Variants in NFATC2 observed in about 807,000 individuals in gnomAD.
NFATC2 encodes nuclear factor of activated T-cells, cytoplasmic 2.
A neutral mutation model predicts 87.3 loss-of-function variants in NFATC2; 22 were observed. The observed-to-expected ratio is 0.25, with a 90% CI of 0.18 to 0.36. The LOEUF (loss-of-function observed/expected upper bound fraction) is 0.36, where lower values mean the gene tolerates loss of function less well. NFATC2 is among the 10% of genes least tolerant of loss of function. The probability of loss-of-function intolerance (pLI) is 1.00; values close to 1 mark genes in which losing one functional copy is unlikely to be tolerated. For synonymous variants in NFATC2, 565 were observed against 542.2 expected, an observed-to-expected ratio of 1.04 and a Z score of -0.58; for missense variants, 1,149 against 1,259.1, an observed-to-expected ratio of 0.91 and a Z score of 1.32.
Position 51,400,701 on chromosome 20 carries a change from G to A in NFATC2, c.2723-1971C>T, listed in dbSNP as rs142310033. Among the ~76,000 whole-genome samples the A allele has an allele frequency of 2.0e-3, 304 of 152,202 alleles. 2 individuals carry two copies. The highest frequency in any genetic ancestry group is 6.6e-3 in the African/African-American group (276 of 41,540). ...GAAATCAACTCGGGACCAGGCCACC[G>A]CCAAACACCCTCCTCCGCAGGTGGC... On this transcript the variant is annotated intron_variant, in intron 9 of 10. Coordinates refer to ENST00000371564, the MANE Select transcript of NFATC2 (RefSeq NM_012340.5).
At chr20:51,448,507 C>T (rs1011284909) in intron 6 of NFATC2, among the ~76,000 whole-genome samples, 27 of 152,160 alleles carry the variant, frequency 1.8e-4, no homozygotes, top group African/African-American at 6.3e-4. Context: ...AGCCAGGCGT[C>T]GTGGCAGGTG....
intron 9 of NFATC2, among the ~76,000 whole-genome samples, chr20:51,426,007 G>C (rs1007925522): frequency 8.3e-4 from 127 of 152,238 alleles, no homozygotes; most frequent in African/African-American, 2.8e-3. Flanking sequence ...TGGAGGAAGC[G>C]GGGGGAGGGA....
chr20:51,404,608 C>CA (rs1988375655), intron 9 of NFATC2, among the ~76,000 whole-genome samples: 1 of 152,254 alleles, frequency 6.6e-6, no homozygotes, highest in Non-Finnish European at 1.5e-5. Context: ...AGCCCTCACA[C>CA]AGAGGATGCT....
At chr20:51,412,005 GCCCCTCTTTGAAATTCAAGGC>G (rs1013706836) in intron 9 of NFATC2, among the ~76,000 whole-genome samples, 10 of 152,082 alleles carry the variant, frequency 6.6e-5, no homozygotes, top group Admixed American at 5.2e-4. Flanking sequence ...GGGTGAGCGA[GCCCCTCTTTGAAATTCAAGGC>G]CCCCATAGGA....
upstream of NFATC2, chr20:51,562,806 G>C (rs1466926089): frequency 7.1e-6 from 4 of 565,702 alleles, no homozygotes; most frequent in South Asian, 2.4e-5. This position sits in a 1 kb window ranked among gnomAD's most constrained non-coding sequence, Gnocchi z 5.8. Flanking sequence ...GAGTCGGCGC[G>C]GCTCCGCGAT....
intron 5 of NFATC2, among the ~76,000 whole-genome samples, chr20:51,472,923 T>C (rs541759363): frequency 6.6e-6 from 1 of 152,320 alleles, no homozygotes; most frequent in South Asian, 2.1e-4. Context: ...GCCTTGCCTC[T>C]TCTTCATGCT....
intron 5 of NFATC2, among the ~76,000 whole-genome samples, chr20:51,458,671 C>T (rs1282063329): frequency 1.3e-5 from 2 of 150,602 alleles, no homozygotes; most frequent in Non-Finnish European, 1.5e-5. Flanking sequence ...ATTATCTGGG[C>T]GTGGTGGTGG....
At chr20:51,442,961 C>T (rs1452348009) in intron 6 of NFATC2, among the ~76,000 whole-genome samples, 1 of 152,110 alleles carries the variant, frequency 6.6e-6, no homozygotes, top group African/African-American at 2.4e-5. Flanking sequence ...CTCAGGGTTG[C>T]TTATGTCTAC....
At chr20:51,513,314 C>CA (rs1276337273) in intron 3 of NFATC2, among the ~76,000 whole-genome samples, 1 of 151,646 alleles carries the variant, frequency 6.6e-6, no homozygotes, top group Non-Finnish European at 1.5e-5. Flanking sequence ...CATGTCTCTA[C>CA]AAAAAAGGAA....
At chr20:51,560,495 AT>A (rs1376551108) in intron 1 of NFATC2, among the ~76,000 whole-genome samples, 1 of 152,132 alleles carries the variant, frequency 6.6e-6, no homozygotes, top group Non-Finnish European at 1.5e-5. Flanking sequence ...AAAGTTTGGA[AT>A]TTTTTTAAAT....
chr20:51,460,041 T>C lies in NFATC2; in HGVS notation c.1709-5353A>G, dbSNP rs1986980402. Reference sequence around the variant, plus strand: ...TGTATTTTACCACAATAGGAGAAAATATCCTATATAAGACAAAACAGCCCA... The same window carrying C: ...TGTATTTTACCACAATAGGAGAAAACATCCTATATAAGACAAAACAGCCCA... On this transcript the variant is annotated intron_variant, in intron 5 of 10. Coordinates refer to ENST00000371564, the MANE Select transcript of NFATC2 (RefSeq NM_012340.5). Among the ~76,000 whole-genome samples, 3 of 152,068 alleles carry C rather than the reference T, an allele frequency of 2.0e-5. No individual in the cohort carries two copies. The South Asian group carries it at 6.2e-4, about 32-fold the overall frequency.
intron 1 of NFATC2, among the ~76,000 whole-genome samples, chr20:51,538,338 T>TA (rs1367117086): frequency 6.6e-6 from 1 of 151,802 alleles, no homozygotes; most frequent in Non-Finnish European, 1.5e-5. Context: ...CCATAGATGC[T>TA]AAAAAAGCCT....
At chr20:51,538,607 C>T (rs1469276854) in intron 1 of NFATC2, among the ~76,000 whole-genome samples, 2 of 152,120 alleles carry the variant, frequency 1.3e-5, no homozygotes, top group East Asian at 1.9e-4. Context: ...TCTCATTCCC[C>T]GTTGTGACCC....
At chr20:51,503,795 G>A (rs2076131057) in intron 3 of NFATC2, among the ~76,000 whole-genome samples, 2 of 152,242 alleles carry the variant, frequency 1.3e-5, no homozygotes, top group Admixed American at 6.5e-5. Flanking sequence ...ACAAAAGCCT[G>A]AACAACCTGA....
In NFATC2 at chr20:51,401,344, A is replaced by T. The variant is rs1241615235; in HGVS notation, c.2723-2614T>A. ...CAGAGCAAGACTGTCTCAAAAAAAT[A>T]AAAATAAATGAGATGCTATAGCTGG... On this transcript the variant is annotated intron_variant, in intron 9 of 10. Coordinates refer to ENST00000371564, the MANE Select transcript of NFATC2 (RefSeq NM_012340.5). 6.1e-5 allele frequency among the ~76,000 whole-genome samples: 9 copies of T among 147,172 alleles called. No homozygotes were observed. In the East Asian group the frequency reaches 1.9e-3, roughly 31 times the overall value.
chr20:51,560,112 A>G (rs2077009006), intron 1 of NFATC2, among the ~76,000 whole-genome samples: 1 of 152,194 alleles, frequency 6.6e-6, no homozygotes, highest in South Asian at 2.1e-4. Context: ...CTTTAATATA[A>G]CAGGATTTGT....
intron 3 of NFATC2, among the ~76,000 whole-genome samples, chr20:51,497,743 A>T (rs1199513709): frequency 6.6e-6 from 1 of 152,246 alleles, no homozygotes; most frequent in African/African-American, 2.4e-5. Context: ...CAGGAAGAAG[A>T]TGGGGTGAGA....
In NFATC2 at chr20:51,530,149, C is replaced by T. The variant is rs115047621; in HGVS notation, c.131-6039G>A. ...ATGGTACAGCAGTACCTCACTGAAGCGCTACTCCTTTTTTGTTTGTTTGTT... is the reference window on the plus strand; with the variant it reads ...ATGGTACAGCAGTACCTCACTGAAGTGCTACTCCTTTTTTGTTTGTTTGTT... On this transcript the variant is annotated intron_variant, in intron 1 of 10. Transcript: ENST00000371564. Among the ~76,000 whole-genome samples the T allele has an allele frequency of 5.4e-3, 816 of 152,182 alleles. 4 individuals are homozygous for T. Among genetic ancestry groups the T allele is most frequent in the African/African-American group, 0.018 (765 of 41,520 alleles).
chr20:51,424,382 AGAG>A (rs1485973299), intron 9 of NFATC2, among the ~76,000 whole-genome samples: 5 of 152,172 alleles, frequency 3.3e-5, no homozygotes, highest in Non-Finnish European at 5.9e-5. Context: ...CTGACAAGGA[AGAG>A]GAGGAGGAGG....
Sources: gnomAD v4.1 joint callset for allele counts (sites outside exome capture counted in the v4.1 genomes callset) on GRCh38, gnomAD v4.1.1 for gene constraint, Gnocchi (gnomAD v3.1) non-coding constraint, MANE v1.5 for transcripts, NCBI Gene and HGNC (gene_info 2026-07-23, HGNC 2026-07-21) for gene names.